Variants in SEC24D observed in about 807,000 individuals in gnomAD.
SEC24D encodes SEC24 homolog D, COPII component.
Under a neutral mutation model 116.9 loss-of-function variants are expected in SEC24D, and 69 were observed. That is an observed-to-expected ratio of 0.59 (90% confidence interval 0.49 to 0.72). The LOEUF is 0.72. SEC24D is among the 30% of genes least tolerant of loss of function. SEC24D has a pLI of 0.00. For missense variants in SEC24D, 1,131 were observed against 1,264.1 expected (o/e 0.89, Z 1.60); for synonymous variants, 405 against 442.8 (o/e 0.91, Z 1.07).
chr4:118,823,623 C>T (rs929478689), intron 3 of SEC24D, among the ~76,000 whole-genome samples: 7 of 152,348 alleles, frequency 4.6e-5, no homozygotes, highest in Non-Finnish European at 8.8e-5. Context: ...AGCAGCTACA[C>T]CTCACCGGAT....
chr4:118,753,206 C>T (rs918727994), intron 11 of SEC24D, among the ~76,000 whole-genome samples: 1 of 152,046 alleles, frequency 6.6e-6, no homozygotes, highest in African/African-American at 2.4e-5. Flanking sequence ...CATGAATAAG[C>T]TAGGCTTCTT....
intron 1 of SEC24D, among the ~76,000 whole-genome samples, chr4:118,835,294 A>G (rs1731044120): frequency 6.6e-6 from 1 of 152,324 alleles, no homozygotes; most frequent in South Asian, 2.1e-4. Context: ...TTCCTCACGC[A>G]ACCCAGTTTG....
chr4:118,755,715 A>G (rs1362059124), intron 11 of SEC24D, among the ~76,000 whole-genome samples: 3 of 152,174 alleles, frequency 2.0e-5, no homozygotes, highest in Non-Finnish European at 2.9e-5. Context: ...TTTGGCAAGT[A>G]GATCAAATTG....
In SEC24D at chr4:118,738,242, T is replaced by C. The variant is rs1470844701; in HGVS notation, c.2496+19A>G. On this transcript the variant is annotated intron_variant, in intron 19 of 22. Coordinates refer to ENST00000280551, the MANE Select transcript of SEC24D (RefSeq NM_014822.4). ...GTCGTTTGTAACACTTTAACATCTA[T>C]GTGCAATAGGTAGCTCACCTGGCTT... 1 of 1,500,248 alleles carries C rather than the reference T, an allele frequency of 6.7e-7. No individual in the cohort carries two copies. Among genetic ancestry groups the C allele is most frequent in the East Asian group, 2.3e-5 (1 of 44,294 alleles). 92.9% of individuals were successfully genotyped at this position (1,500,248 alleles called of 1,614,324 possible). A position where few individuals can be genotyped will look rare whatever the true frequency, so the allele number is the denominator to read the frequency against.
chr4:118,806,059 C>G (rs1410189140), intron 6 of SEC24D, 105 bp from the exon 7 acceptor site: 1 of 698,634 alleles, frequency 1.4e-6, no homozygotes, highest in East Asian at 2.8e-5. Context: ...TCCCCTCCTT[C>G]TCAATATTCA....
chr4:118,750,038 G>A (rs896357294), intron 13 of SEC24D, among the ~76,000 whole-genome samples: 2 of 152,146 alleles, frequency 1.3e-5, no homozygotes, highest in Non-Finnish European at 2.9e-5. Context: ...ATTTTTAAAT[G>A]TCAAGGTAAA....
At chr4:118,740,195 G>A (rs1025145241) in intron 17 of SEC24D, among the ~76,000 whole-genome samples, 2 of 152,148 alleles carry the variant, frequency 1.3e-5, no homozygotes, top group Non-Finnish European at 2.9e-5. Context: ...AAGGACAGGG[G>A]CCTGGAACAG....
chr4:118,767,681 T>C (rs992045815), intron 9 of SEC24D, among the ~76,000 whole-genome samples: 2 of 152,186 alleles, frequency 1.3e-5, no homozygotes, highest in African/African-American at 4.8e-5. Flanking sequence ...TTTAATAATG[T>C]TCCTTCCTCC....
intron 2 of SEC24D, among the ~76,000 whole-genome samples, chr4:118,828,668 C>T (rs116612909): frequency 0.044 from 6,655 of 152,166 alleles, 202 homozygotes; most frequent in Non-Finnish European, 0.064. Context: ...AGTGCTGAAG[C>T]TGAAAAACCC....
chr4:118,768,381 T>C, intron 8 of SEC24D, 70 bp from the exon 9 acceptor site: 1 of 1,321,200 alleles, frequency 7.6e-7, no homozygotes, highest in Non-Finnish European at 1.0e-6. Flanking sequence ...ATTTGGGAAG[T>C]CTTTTAATGG....
chr4:118,765,016 T>G, intron 9 of SEC24D, 99 bp from the exon 10 acceptor site: 1 of 688,738 alleles, frequency 1.5e-6, no homozygotes, highest in Non-Finnish European at 2.6e-6. Flanking sequence ...GGAGTTAGTA[T>G]CTGGAAAAAT....
At chr4:118,800,521 T>C (rs1051943630) in intron 7 of SEC24D, among the ~76,000 whole-genome samples, 8 of 152,144 alleles carry the variant, frequency 5.3e-5, no homozygotes, top group Non-Finnish European at 1.0e-4. Context: ...ATAATGACAA[T>C]TAATTCAAAT....
chr4:118,809,901 A>C (rs1476053645), intron 6 of SEC24D, among the ~76,000 whole-genome samples: 2 of 152,200 alleles, frequency 1.3e-5, no homozygotes, highest in African/African-American at 4.8e-5. Context: ...GACATTAAGG[A>C]AATGAGGACA....
intron 7 of SEC24D, among the ~76,000 whole-genome samples, chr4:118,804,997 A>G (rs1277052439): frequency 1.3e-5 from 2 of 151,950 alleles, no homozygotes; most frequent in Non-Finnish European, 2.9e-5. Flanking sequence ...TAGTCTCCAC[A>G]TATTACTGAG....
chr4:118,748,834 ATTG>A (rs1726674629), intron 13 of SEC24D, among the ~76,000 whole-genome samples: 1 of 152,070 alleles, frequency 6.6e-6, no homozygotes, highest in Non-Finnish European at 1.5e-5. Flanking sequence ...TCCAACCCCC[ATTG>A]AGACTACCAC....
chr4:118,794,850 G>A (rs1406992390), intron 8 of SEC24D, among the ~76,000 whole-genome samples: 2 of 152,100 alleles, frequency 1.3e-5, no homozygotes, highest in Non-Finnish European at 2.9e-5. Context: ...TTTAAAGGAG[G>A]TAGCTCTGTA....
chr4:118,736,721 T>TA (rs1203730080), intron 19 of SEC24D, among the ~76,000 whole-genome samples: 1 of 152,194 alleles, frequency 6.6e-6, no homozygotes, highest in African/African-American at 2.4e-5. Context: ...CATTATTTTT[T>TA]AAAAACATAT....
rs114774687 is a variant in SEC24D, at chr4:118,810,076, G to C, written c.802-4122C>G. Reference sequence around the variant, plus strand: ...GTAAGAGACCAGGTCAGAGGTAGCTGTGTGTGTGTGTGTGTGTGTGTGTGT... The same window carrying C: ...GTAAGAGACCAGGTCAGAGGTAGCTCTGTGTGTGTGTGTGTGTGTGTGTGT... On this transcript the variant is annotated intron_variant, in intron 6 of 22. Transcript: ENST00000280551. 5.8e-3 allele frequency among the ~76,000 whole-genome samples: 402 copies of C among 69,078 alleles called. 8 individuals carry two copies. Among genetic ancestry groups the C allele is most frequent in the Middle Eastern group, 0.012 (2 of 162 alleles). 45.3% of individuals were successfully genotyped at this position (69,078 alleles called of 152,430 possible).
chr4:118,827,437 C>A (rs377405785), intron 2 of SEC24D, among the ~76,000 whole-genome samples: 3 of 152,180 alleles, frequency 2.0e-5, no homozygotes, highest in Admixed American at 6.5e-5. Context: ...TCTTAAGACA[C>A]CCCCCACCAA....
Sources: gnomAD v4.1 joint callset for allele counts (sites outside exome capture counted in the v4.1 genomes callset) on GRCh38, gnomAD v4.1.1 for gene constraint, MANE v1.5 for transcripts, NCBI Gene and HGNC (gene_info 2026-07-23, HGNC 2026-07-21) for gene names.